CNBD1: variants seen among roughly 807,000 people sequenced by gnomAD.
CNBD1 encodes the protein cyclic nucleotide binding domain containing 1, also known as cyclic nucleotide-binding domain-containing protein 1.
Under a neutral mutation model 54.4 loss-of-function variants are expected in CNBD1, and 71 were observed. The observed-to-expected ratio is 1.30, with a 90% CI of 1.08 to 1.59. The LOEUF is 1.59. Among genes scored for constraint, CNBD1 ranks in the 40% most tolerant of loss-of-function variants. CNBD1 has a pLI of 0.00. For synonymous variants in CNBD1, 182 were observed against 170.7 expected (o/e 1.07, Z -0.51); for missense variants, 659 against 518.0 (o/e 1.27, Z -2.64).
At chr8:87,136,576 A>T (rs1280753116) in intron 4 of CNBD1, among the ~76,000 whole-genome samples, 2 of 89,686 alleles carry the variant, frequency 2.2e-5, no homozygotes, top group African/African-American at 8.8e-5. Context: ...TTATATTTAT[A>T]TTATATATAA....
chr8:87,180,479 C>A (rs1813289124), intron 4 of CNBD1, among the ~76,000 whole-genome samples: 1 of 152,032 alleles, frequency 6.6e-6, no homozygotes, highest in Non-Finnish European at 1.5e-5. Flanking sequence ...TTAGATAAAA[C>A]AATATATCAT....
At chr8:87,339,711 G>A (rs141148974) in intron 8 of CNBD1, among the ~76,000 whole-genome samples, 1 of 151,562 alleles carries the variant, frequency 6.6e-6, no homozygotes, top group Non-Finnish European at 1.5e-5. Flanking sequence ...GGTTACTGTG[G>A]GGCTTACATA....
chr8:87,128,416 G>T (rs555562854), intron 4 of CNBD1, among the ~76,000 whole-genome samples: 1 of 152,144 alleles, frequency 6.6e-6, no homozygotes, highest in Non-Finnish European at 1.5e-5. Context: ...CGTGAAGGGG[G>T]TTTGAGCAGG....
At chr8:87,370,088 T>C (rs951158200) in intron 10 of CNBD1, among the ~76,000 whole-genome samples, 17 of 151,978 alleles carry the variant, frequency 1.1e-4, no homozygotes, top group Non-Finnish European at 2.1e-4. Context: ...TAGTATTCCA[T>C]GGTGTATATG....
At position 87,122,594 on chromosome 8, in the gene CNBD1, G is replaced by A. The variant is rs573637201; in HGVS notation, c.432-83399G>A. Among the ~76,000 whole-genome samples, 6 of 151,780 alleles carry A rather than the reference G, an allele frequency of 4.0e-5. No individual in the cohort carries two copies. In the South Asian group the frequency reaches 1.2e-3, roughly 31 times the overall value. On this transcript the variant is annotated intron_variant, in intron 4 of 10. Transcript: ENST00000518476. ...CATTGCCTGTGTTTTAGGAGTCGTA[G>A]CCAAAAAAACTGTTGCCCAGACCAA... is the stretch of plus-strand genomic sequence containing the variant.
intron 1 of CNBD1, among the ~76,000 whole-genome samples, chr8:86,884,382 C>T (rs1039192026): frequency 1.1e-4 from 16 of 152,088 alleles, no homozygotes; most frequent in African/African-American, 3.9e-4. Context: ...TATTCTTTTG[C>T]CTCTGAAGGT....
At chr8:87,196,924 AT>A (rs1273894896) in intron 4 of CNBD1, among the ~76,000 whole-genome samples, 10 of 152,126 alleles carry the variant, frequency 6.6e-5, no homozygotes, top group Non-Finnish European at 1.5e-4. Context: ...AGGGAATAGT[AT>A]TTTTTATACA....
chr8:87,126,832 T>A (rs564063560), intron 4 of CNBD1, among the ~76,000 whole-genome samples: 1 of 152,058 alleles, frequency 6.6e-6, no homozygotes, highest in African/African-American at 2.4e-5. Flanking sequence ...GAGCTGTGGG[T>A]TGAAGTTTAT....
chr8:87,213,765 A>G (rs1401620603), intron 5 of CNBD1, among the ~76,000 whole-genome samples: 1 of 152,200 alleles, frequency 6.6e-6, no homozygotes, highest in Admixed American at 6.5e-5. Context: ...ACAATCTCCC[A>G]AAGTCTTAAC....
chr8:87,114,516 A>C (rs1811731386), intron 4 of CNBD1, among the ~76,000 whole-genome samples: 1 of 152,012 alleles, frequency 6.6e-6, no homozygotes, highest in African/African-American at 2.4e-5. Context: ...ACACTCGGCT[A>C]ATTTTTGTAT....
chr8:87,422,494 C>A (rs577680946), intron 2 of CNBD1, among the ~76,000 whole-genome samples: 1 of 151,622 alleles, frequency 6.6e-6, no homozygotes, highest in Non-Finnish European at 1.5e-5. Flanking sequence ...CTACATATGG[C>A]TAGCCAGTTT....
intron 4 of CNBD1, among the ~76,000 whole-genome samples, chr8:87,110,513 G>T (rs1382238467): frequency 2.0e-5 from 3 of 152,058 alleles, no homozygotes; most frequent in African/African-American, 7.2e-5. Flanking sequence ...GGTGGCACGG[G>T]TGTAATAGCT....
Position 87,099,204 on chromosome 8 carries a change from T to C in CNBD1, c.432-106789T>C, listed in dbSNP as rs143200029. ...TGTTGTTTTAAAAATGGAGAAAGGC[T>C]AGGGGTTTGTCAGTTTAGAAAAAAA... On this transcript the variant is annotated intron_variant, in intron 4 of 10. Coordinates refer to ENST00000518476, the MANE Select transcript of CNBD1 (RefSeq NM_173538.3). Among the ~76,000 whole-genome samples the C allele has an allele frequency of 1.1e-4, 16 of 152,074 alleles. No homozygotes were observed. In the East Asian group the frequency reaches 3.1e-3, roughly 29 times the overall value.
rs1030919602 is a variant in CNBD1, at chr8:87,382,791, C to G, written c.*164C>G. ...TCCCACTTTCGAATTGCCTTTCAAA[C>G]ACAGTTTTTATTAGCAGTCTTTCTT... is the stretch of plus-strand genomic sequence containing the variant. On this transcript the variant is annotated 3_prime_UTR_variant, in exon 11 of 11. Coordinates refer to ENST00000518476, the MANE Select transcript of CNBD1 (RefSeq NM_173538.3). 2 of 455,362 alleles carry G rather than the reference C, an allele frequency of 4.4e-6. No homozygotes were observed. The highest frequency in any genetic ancestry group is 7.8e-6 in the Non-Finnish European group (2 of 255,490). 28.2% of individuals were successfully genotyped at this position (455,362 alleles called of 1,614,324 possible). A position where few individuals can be genotyped will look rare whatever the true frequency, so the allele number is the denominator to read the frequency against.
intron 6 of CNBD1, among the ~76,000 whole-genome samples, chr8:87,240,219 G>T (rs891017573): frequency 6.6e-6 from 1 of 151,690 alleles, no homozygotes; most frequent in Non-Finnish European, 1.5e-5. Flanking sequence ...ATTAAATTTA[G>T]CAAAATTATA....
At chr8:87,421,976 A>C (rs202078099) in intron 2 of CNBD1, among the ~76,000 whole-genome samples, 41 of 148,502 alleles carry the variant, frequency 2.8e-4, no homozygotes, top group Non-Finnish European at 5.8e-4. Context: ...TCTAACTGGT[A>C]TGAGATGGTA....
At chr8:87,134,830 C>T (rs1812194313) in intron 4 of CNBD1, among the ~76,000 whole-genome samples, 1 of 151,544 alleles carries the variant, frequency 6.6e-6, no homozygotes, top group Non-Finnish European at 1.5e-5. Context: ...AGGATGATCT[C>T]CATCTCCTGA....
Position 86,887,582 on chromosome 8 carries a change from T to C in CNBD1, c.129T>C (p.Asn43=), listed in dbSNP as rs367720028. 9 of 1,582,898 alleles carry C rather than the reference T, an allele frequency of 5.7e-6. No individual in the cohort carries two copies. The African/African-American group carries it at 1.2e-4, about 21-fold the overall frequency. The change falls in exon 2 of 11, where the codon AAT becomes AAC. Residue 43 remains asparagine, a synonymous_variant. Transcript: ENST00000518476. ...KSKHINYGQL[N]ALCHIRGQHS... ...AGCACATTAATTATGGCCAGTTGAATGCATTATGCCACATTAGAGGACAAC... is the reference window on the plus strand; with the variant it reads ...AGCACATTAATTATGGCCAGTTGAACGCATTATGCCACATTAGAGGACAAC...
intron 6 of CNBD1, among the ~76,000 whole-genome samples, chr8:87,249,655 A>T (rs757080751): frequency 6.6e-6 from 1 of 152,170 alleles, no homozygotes; most frequent in African/African-American, 2.4e-5. Context: ...TAGGTTCATG[A>T]TCTATGTGCA....
Sources: allele counts gnomAD v4.1 joint callset (sites outside exome capture counted in the v4.1 genomes callset), GRCh38; gene constraint gnomAD v4.1.1; transcripts MANE v1.5; gene names NCBI Gene and HGNC (gene_info 2026-07-23, HGNC 2026-07-21).